Variants in DGKB observed in about 807,000 individuals in gnomAD.
The protein encoded by DGKB is 90 kDa diacylglycerol kinase.
A neutral mutation model predicts 114.3 loss-of-function variants in DGKB; 67 were observed. That is an observed-to-expected ratio of 0.59 (90% CI 0.48 to 0.72). The LOEUF (loss-of-function observed/expected upper bound fraction) is 0.72, where lower values mean the gene tolerates loss of function less well. Ranked by LOEUF, DGKB falls within the 30% of genes least tolerant of loss-of-function variation. DGKB has a pLI of 0.00. For synonymous variants in DGKB, 398 were observed against 323.1 expected, an observed-to-expected ratio of 1.23 and a Z score of -2.49; for missense variants, 907 against 975.2, an observed-to-expected ratio of 0.93 and a Z score of 0.93.
chr7:14,604,038 G>T (rs1476989084), intron 17 of DGKB, among the ~76,000 whole-genome samples: 2 of 152,048 alleles, frequency 1.3e-5, no homozygotes, highest in African/African-American at 4.8e-5. Flanking sequence ...GTTATATAAA[G>T]CCCAAGAGTA....
chr7:14,665,556 A>G (rs1368487720), intron 13 of DGKB, among the ~76,000 whole-genome samples: 1 of 152,078 alleles, frequency 6.6e-6, no homozygotes, highest in Non-Finnish European at 1.5e-5. Flanking sequence ...CTAAATTATA[A>G]CACAAAATGT....
At chr7:14,484,173 G>T (rs1247635484) in intron 20 of DGKB, among the ~76,000 whole-genome samples, 2 of 151,840 alleles carry the variant, frequency 1.3e-5, no homozygotes, top group Admixed American at 6.6e-5. Context: ...TTAGCAAAAA[G>T]GCATAAGAGC....
intron 17 of DGKB, among the ~76,000 whole-genome samples, chr7:14,602,417 C>T (rs187861156): frequency 3.5e-3 from 534 of 152,260 alleles, no homozygotes; most frequent in Non-Finnish European, 6.2e-3. Flanking sequence ...ATGGTTTGAA[C>T]TTTCATGTGT....
intron 23 of DGKB, among the ~76,000 whole-genome samples, chr7:14,226,262 T>G (rs1201086092): frequency 6.6e-6 from 1 of 152,002 alleles, no homozygotes; most frequent in East Asian, 1.9e-4. Context: ...TTACTCATTT[T>G]TTTTCTTGAT....
intron 16 of DGKB, among the ~76,000 whole-genome samples, chr7:14,608,882 A>G (rs972565703): frequency 6.6e-6 from 1 of 152,068 alleles, no homozygotes; most frequent in African/African-American, 2.4e-5. Flanking sequence ...AGTGCTCTAC[A>G]AGGAGAACCA....
At chr7:14,365,089 T>A (rs1002983895) in intron 21 of DGKB, among the ~76,000 whole-genome samples, 2 of 151,802 alleles carry the variant, frequency 1.3e-5, no homozygotes, top group African/African-American at 4.8e-5. Flanking sequence ...ATAGTCAACA[T>A]CTTGGGGGTA....
At chr7:14,506,012 G>C (rs1321770682) in intron 20 of DGKB, among the ~76,000 whole-genome samples, 1 of 151,980 alleles carries the variant, frequency 6.6e-6, no homozygotes, top group East Asian at 1.9e-4. Flanking sequence ...GCAGGCCTAT[G>C]GCATTCATTG....
chr7:14,652,242 T>A (rs1262190456), intron 13 of DGKB, among the ~76,000 whole-genome samples: 1 of 151,934 alleles, frequency 6.6e-6, no homozygotes, highest in Non-Finnish European at 1.5e-5. Flanking sequence ...CTACCTGACT[T>A]CAAACTATAC....
rs756184530 is a variant in DGKB, at chr7:14,187,887, A to G, written c.2123-9736T>C. ...CATATAATATCTGAAAAATAAATTC[A>G]AAATTATGATTTTAAGGAAACTGAG... On this transcript the variant is annotated intron_variant, in intron 23 of 25. Transcript: ENST00000402815. Among the ~76,000 whole-genome samples, 59 of 152,214 alleles carry G rather than the reference A, an allele frequency of 3.9e-4. 1 individual carries two copies. Among genetic ancestry groups the G allele is most frequent in the Non-Finnish European group, 7.3e-4 (50 of 68,046 alleles).
chr7:14,161,762 C>T (rs1314607381), intron 25 of DGKB, among the ~76,000 whole-genome samples: 1 of 151,806 alleles, frequency 6.6e-6, no homozygotes, highest in South Asian at 2.1e-4. Context: ...ACATGTATAC[C>T]TATGTAACAA....
At position 14,913,257 on chromosome 7, in the gene DGKB, TCTC is replaced by T. The variant is rs1784082065; in HGVS notation, c.-188+61436_-188+61438del. 2.0e-5 allele frequency among the ~76,000 whole-genome samples: 3 copies of T among 151,850 alleles called. No homozygotes were observed. In the South Asian group the frequency reaches 6.2e-4, roughly 32 times the overall value. On this transcript the variant is annotated intron_variant, in intron 1 of 4. Coordinates refer to the DGKB transcript ENST00000437998. ...TATTTCACACTCCGCTCTGTTCTCT[TCTC>T]CTCTGGAAAATATACGATTTCACCC... is the stretch of plus-strand genomic sequence containing the variant.
At position 14,660,600 on chromosome 7, in the gene DGKB, CTT is replaced by C. The variant is rs1285295351; in HGVS notation, c.1134+12327_1134+12328del. On this transcript the variant is annotated intron_variant, in intron 13 of 25. Coordinates refer to ENST00000402815, the MANE Select transcript of DGKB (RefSeq NM_001350709.2). ...TCATTTTTATTGCGTCTATTTGATT[CTT>C]CTCTCTTTTTTTCTTTATTAGTCTT... is the stretch of plus-strand genomic sequence containing the variant. Among the ~76,000 whole-genome samples the C allele has an allele frequency of 3.9e-5, 6 of 152,002 alleles. No homozygotes were observed. The South Asian group carries it at 1.0e-3, about 26-fold the overall frequency.
chr7:14,722,268 C>T (rs975447920), intron 5 of DGKB, among the ~76,000 whole-genome samples: 5 of 152,084 alleles, frequency 3.3e-5, no homozygotes, highest in Admixed American at 3.3e-4. Context: ...TTTATCTCTG[C>T]CCTCCCAACA....
intron 1 of DGKB, among the ~76,000 whole-genome samples, chr7:14,902,291 AG>A (rs1466477092): frequency 2.0e-5 from 3 of 152,164 alleles, no homozygotes; most frequent in Non-Finnish European, 2.9e-5. Context: ...GGTAACTTTC[AG>A]GAGACCACTC....
intron 17 of DGKB, among the ~76,000 whole-genome samples, chr7:14,606,505 A>T (rs1804533254): frequency 6.6e-6 from 1 of 151,994 alleles, no homozygotes; most frequent in Non-Finnish European, 1.5e-5. Flanking sequence ...TACAAATTTT[A>T]TTCTGAGTTT....
intron 25 of DGKB, among the ~76,000 whole-genome samples, chr7:14,154,060 T>TC (rs940244717): frequency 1.3e-5 from 2 of 151,334 alleles, no homozygotes; most frequent in Non-Finnish European, 2.9e-5. Context: ...AGGATTCAAC[T>TC]CAGATCCAGG....
At chr7:14,628,244 A>G (rs1809001693) in intron 14 of DGKB, among the ~76,000 whole-genome samples, 1 of 151,968 alleles carries the variant, frequency 6.6e-6, no homozygotes, top group Non-Finnish European at 1.5e-5. Context: ...TGAATACAAA[A>G]TGAAAGAGTC....
chr7:14,954,082 T>C (rs193239104), intron 1 of DGKB, among the ~76,000 whole-genome samples: 1 of 152,222 alleles, frequency 6.6e-6, no homozygotes, highest in East Asian at 1.9e-4. Context: ...GAAGGCTTTC[T>C]TGAAGATGTT....
chr7:14,231,082 C>CCTTTCTTTCTCTCTTTCTTTCTTT (rs1486312653), intron 23 of DGKB, among the ~76,000 whole-genome samples: 1 of 121,764 alleles, frequency 8.2e-6, no homozygotes, highest in Non-Finnish European at 1.8e-5. Flanking sequence ...TTCTTCTTTC[C>CCTTTCTTTCTCTCTTTCTTTCTTT]CTTTCTTTCT....
Sources: gnomAD v4.1 joint callset for allele counts (sites outside exome capture counted in the v4.1 genomes callset) on GRCh38, gnomAD v4.1.1 for gene constraint, MANE v1.5 for transcripts, NCBI Gene and HGNC (gene_info 2026-07-23, HGNC 2026-07-21) for gene names.